FREM1: variants seen among roughly 807,000 people sequenced by gnomAD.
FREM1 encodes the protein FRAS1 related extracellular matrix 1, also known as FRAS1-related extracellular matrix protein 1.
Under a neutral mutation model 210.1 loss-of-function variants are expected in FREM1, and 220 were observed. The ratio of observed to expected loss-of-function variants is 1.05; its 90% CI spans 0.94 to 1.17. The LOEUF (loss-of-function observed/expected upper bound fraction) is 1.17. Among genes scored for constraint, FREM1 ranks in the 50% most tolerant of loss-of-function variants. The pLI is 0.00. For synonymous variants in FREM1, 1,189 were observed against 980.2 expected, an observed-to-expected ratio of 1.21 and a Z score of -3.98; for missense variants, 3,454 against 2,675.5, an observed-to-expected ratio of 1.29 and a Z score of -6.42.
chr9:14,851,494 G>T lies in FREM1; in HGVS notation c.942C>A (p.Ser314=), dbSNP rs1434338101. The T allele has an allele frequency of 6.2e-7, 1 of 1,613,860 alleles. No homozygotes were observed. The highest frequency in any genetic ancestry group is 8.5e-7 in the Non-Finnish European group (1 of 1,179,856). Residue 314 remains serine, a synonymous_variant, in exon 6 of 37, where the codon TCC becomes TCA. Coordinates refer to ENST00000380880, the MANE Select transcript of FREM1 (RefSeq NM_001379081.2). The part of the protein sequence containing the change: ...ILEVDQFILT[S]LTTSVLDCEE... ...CACAGTCCAGAACTGATGTAGTCAA[G>T]GAGGTCAGGATGAACTGATCCACTT...
intron 15 of FREM1, among the ~76,000 whole-genome samples, chr9:14,816,470 C>G (rs1820326618): frequency 6.6e-6 from 1 of 152,048 alleles, no homozygotes; most frequent in African/African-American, 2.4e-5. Context: ...AAACTTGCAA[C>G]AGTGTTGGGA....
At position 14,747,233 on chromosome 9, in the gene FREM1, G is replaced by T. The variant is rs754058350; in HGVS notation, c.6009+31C>A. 27 of 1,604,022 alleles carry T rather than the reference G, an allele frequency of 1.7e-5. 1 individual carries two copies. The South Asian group carries it at 2.2e-4, about 13-fold the overall frequency. Reference sequence around the variant, plus strand: ...TGGCCCAGCAAACAACTTGTTATAAGGTGAGTAAGAAGGAACAAAGATTTT... The same window carrying T: ...TGGCCCAGCAAACAACTTGTTATAATGTGAGTAAGAAGGAACAAAGATTTT... On this transcript the variant is annotated intron_variant, in intron 33 of 36. Coordinates refer to ENST00000380880, the MANE Select transcript of FREM1 (RefSeq NM_001379081.2).
chr9:14,898,639 G>A (rs1326132519), intron 1 of FREM1, among the ~76,000 whole-genome samples: 2 of 152,154 alleles, frequency 1.3e-5, no homozygotes, highest in South Asian at 4.1e-4. Flanking sequence ...CTACTCAGGA[G>A]GCTGAGGCAG....
In FREM1 at chr9:14,737,210, T is replaced by C; in HGVS notation, c.*186A>G. The C allele has an allele frequency of 1.9e-6, 1 of 529,410 alleles. No individual in the cohort carries two copies. The highest frequency in any genetic ancestry group is 3.3e-6 in the Non-Finnish European group (1 of 302,390). The allele number at this position is 529,410 out of a possible 1,614,324, so 32.8% of individuals were successfully genotyped here. On this transcript the variant is annotated 3_prime_UTR_variant, in exon 37 of 37. Coordinates refer to ENST00000380880, the MANE Select transcript of FREM1 (RefSeq NM_001379081.2). Reference sequence around the variant, plus strand: ...ATTGAGATACAAAAATTGTATCTTATCTTGTAAAAAATATTTATTTATCAA... The same window carrying C: ...ATTGAGATACAAAAATTGTATCTTACCTTGTAAAAAATATTTATTTATCAA...
Position 14,841,420 on chromosome 9 carries a change from G to T in FREM1, c.1881+27C>A, listed in dbSNP as rs1056488135. 3.9e-6 allele frequency: 6 copies of T among 1,548,772 alleles called. No individual in the cohort carries two copies. The East Asian group carries it at 9.2e-5, about 24-fold the overall frequency. ...ATTGACACCTGTGCACAAGACTTTG[G>T]GAAAGTGTTCAGAAACAGTCTCTTA... On this transcript the variant is annotated intron_variant, in intron 10 of 36. Transcript: ENST00000380880.
intron 2 of FREM1, among the ~76,000 whole-genome samples, chr9:14,866,087 C>A (rs1468836789): frequency 6.6e-6 from 1 of 152,148 alleles, no homozygotes; most frequent in Non-Finnish European, 1.5e-5. Context: ...GTATTCATGA[C>A]TTGATTCTAC....
intron 29 of FREM1, among the ~76,000 whole-genome samples, chr9:14,754,935 A>G (rs1473995196): frequency 6.6e-6 from 1 of 152,156 alleles, no homozygotes; most frequent in Non-Finnish European, 1.5e-5. Flanking sequence ...CTCCATCTCA[A>G]AAAAGAAAAA....
At chr9:14,888,579 A>G (rs1187168658) in intron 1 of FREM1, among the ~76,000 whole-genome samples, 1 of 152,210 alleles carries the variant, frequency 6.6e-6, no homozygotes, top group Non-Finnish European at 1.5e-5. Context: ...TTCATGTTCC[A>G]ACTGCTTACA....
rs1564107069 is a variant in FREM1, at chr9:14,861,208, T to TAC, written c.330-1725_330-1724insGT. 2.7e-3 allele frequency among the ~76,000 whole-genome samples: 249 copies of TAC among 93,450 alleles called. 15 individuals carry two copies. Among genetic ancestry groups the TAC allele is most frequent in the African/African-American group, 0.016 (207 of 12,810 alleles). 61.3% of individuals were successfully genotyped at this position (93,450 alleles called of 152,430 possible). On this transcript the variant is annotated intron_variant, in intron 3 of 36. Transcript: ENST00000380880. Reference sequence around the variant, plus strand: ...ACACATATATACATATATACACACATATACATATATACACATATATACACA... The same window carrying TAC: ...ACACATATATACATATATACACACATACATACATATATACACATATATACACA...
At chr9:14,783,633 T>C (rs1180059258) in intron 24 of FREM1, among the ~76,000 whole-genome samples, 1 of 152,240 alleles carries the variant, frequency 6.6e-6, no homozygotes, top group Non-Finnish European at 1.5e-5. Flanking sequence ...TGCGAGATTA[T>C]AGATCTTCTG....
At position 14,848,536 on chromosome 9, in the gene FREM1, C is replaced by T. The variant is rs527272035; in HGVS notation, c.1261+129G>A. The T allele has an allele frequency of 1.6e-5, 7 of 450,468 alleles. No individual in the cohort carries two copies. In the South Asian group the frequency reaches 4.4e-4, roughly 28 times the overall value. 27.9% of individuals were successfully genotyped at this position (450,468 alleles called of 1,614,324 possible). A position where few individuals can be genotyped will look rare whatever the true frequency, so the allele number is the denominator to read the frequency against. The stretch of plus-strand genomic sequence containing the variant: ...ACAACAAAAGCTACTATGTGATGCC[C>T]TTAATCTGTCTGGGTTTCAGTTGCC... On this transcript the variant is annotated intron_variant, in intron 7 of 36. Transcript: ENST00000380880.
At chr9:14,880,121 TACA>T (rs1210583740) in intron 1 of FREM1, among the ~76,000 whole-genome samples, 6 of 152,084 alleles carry the variant, frequency 3.9e-5, no homozygotes, top group African/African-American at 1.4e-4. Context: ...ATGTGAGGCT[TACA>T]ACAAGAGGGT....
intron 23 of FREM1, among the ~76,000 whole-genome samples, chr9:14,785,148 G>C (rs1465604102): frequency 6.6e-6 from 1 of 152,214 alleles, no homozygotes; most frequent in African/African-American, 2.4e-5. Context: ...GGTCATTGCA[G>C]TACTGTCTGT....
At chr9:14,803,995 T>C (rs967243851) in intron 19 of FREM1, among the ~76,000 whole-genome samples, 6 of 152,168 alleles carry the variant, frequency 3.9e-5, no homozygotes, top group Non-Finnish European at 5.9e-5. Context: ...GCAGATTGAA[T>C]AGATTATTGA....
Position 14,748,586 on chromosome 9 carries a change from T to A in FREM1, c.5611A>T (p.Lys1871Ter). 1 of 1,613,862 alleles carries A rather than the reference T, an allele frequency of 6.2e-7. No individual in the cohort carries two copies. The highest frequency in any genetic ancestry group is 2.2e-5 in the East Asian group (1 of 44,862). Residue 1871 changes from lysine (K) to a stop codon, truncating the protein, a stop_gained, in exon 31 of 37, where the codon AAG (lysine) becomes TAG (stop). Transcript: ENST00000380880. LOFTEE classifies it high-confidence loss of function. ...GGGGGCAGCAGATGCCAAATGCCCTTCTCCCATGTGCTGTGCTTGCTTTGG... is the reference window on the plus strand; with the variant it reads ...GGGGGCAGCAGATGCCAAATGCCCTACTCCCATGTGCTGTGCTTGCTTTGG... ...SNQSKHSTWE[K>*]GIWHLLPPGS...
intron 1 of FREM1, among the ~76,000 whole-genome samples, chr9:14,908,614 T>A (rs549416840): frequency 1.3e-5 from 2 of 152,286 alleles, no homozygotes; most frequent in South Asian, 4.1e-4. Flanking sequence ...CAGCCAAGCA[T>A]GCAAAACCAT....
intron 1 of FREM1, among the ~76,000 whole-genome samples, chr9:14,881,779 G>C (rs1364176362): frequency 6.6e-6 from 1 of 152,200 alleles, no homozygotes; most frequent in Non-Finnish European, 1.5e-5. Flanking sequence ...CTCTCTTGTA[G>C]CTATCTGCGG....
intron 3 of FREM1, among the ~76,000 whole-genome samples, chr9:14,861,368 C>T (rs1473030553): frequency 1.8e-4 from 15 of 85,078 alleles, no homozygotes; most frequent in African/African-American, 1.1e-3. Context: ...CACATATATA[C>T]ACGTATATAC....
In FREM1 at chr9:14,747,304, T is replaced by C. The variant is rs1297318590; in HGVS notation, c.5969A>G (p.Asp1990Gly). The C allele has an allele frequency of 1.2e-6, 2 of 1,613,608 alleles. No individual in the cohort carries two copies. The highest frequency in any genetic ancestry group is 1.7e-6 in the Non-Finnish European group (2 of 1,179,808). The change falls in exon 33 of 37, where the codon GAT becomes GGT. Residue 1990 changes from aspartate (D) to glycine (G), a missense_variant. Coordinates refer to ENST00000380880, the MANE Select transcript of FREM1 (RefSeq NM_001379081.2). Reference protein sequence around the residue: ...TIKVAELPQADKVESTTDSHF... With the variant: ...TIKVAELPQAGKVESTTDSHF... ...TGAGTCAGTTGTGGATTCCACCTTA[T>C]CTGCTTGAGGCAGTTCTGCCACTTT...
Sources: allele counts gnomAD v4.1 joint callset (sites outside exome capture counted in the v4.1 genomes callset), GRCh38; gene constraint gnomAD v4.1.1; transcripts MANE v1.5; gene names NCBI Gene and HGNC (gene_info 2026-07-23, HGNC 2026-07-21).